Variants in UNC5D observed in about 807,000 individuals in gnomAD.
The protein encoded by UNC5D is netrin receptor UNC5D.
Under a neutral mutation model 105.4 loss-of-function variants are expected in UNC5D, and 39 were observed. That is an observed-to-expected ratio of 0.37 (90% CI 0.29 to 0.48). The LOEUF (loss-of-function observed/expected upper bound fraction) is 0.48. UNC5D is among the 20% of genes least tolerant of loss of function. The probability of loss-of-function intolerance (pLI) is 0.98; values close to 1 mark genes in which losing one functional copy is unlikely to be tolerated. For synonymous variants in UNC5D, 452 were observed against 450.4 expected (o/e 1.00, Z -0.04); for missense variants, 991 against 1,202.4 (o/e 0.82, Z 2.60).
At chr8:35,439,811 T>G (rs1807275645) in intron 1 of UNC5D, among the ~76,000 whole-genome samples, 1 of 152,078 alleles carries the variant, frequency 6.6e-6, no homozygotes, top group Non-Finnish European at 1.5e-5. Context: ...AAAGTCGTTT[T>G]CCTTCTAAAT....
chr8:35,333,403 T>C (rs1449095433), intron 1 of UNC5D, among the ~76,000 whole-genome samples: 5 of 152,180 alleles, frequency 3.3e-5, no homozygotes, highest in African/African-American at 1.2e-4. Context: ...AAATCCTGAT[T>C]TAATTTTGCA....
At chr8:35,759,530 G>C in intron 14 of UNC5D, 61 bp downstream of exon 14, 1 of 1,566,874 alleles carries the variant, frequency 6.4e-7, no homozygotes, top group Admixed American at 2.0e-5. Context: ...GCATGTCACA[G>C]ATCCTGGCAA....
intron 1 of UNC5D, among the ~76,000 whole-genome samples, chr8:35,394,401 T>G (rs1361873547): frequency 6.6e-6 from 1 of 152,196 alleles, no homozygotes; most frequent in African/African-American, 2.4e-5. Flanking sequence ...AATGATTTAC[T>G]CTTCTGTGTG....
intron 1 of UNC5D, among the ~76,000 whole-genome samples, chr8:35,483,227 G>C (rs1048931722): frequency 2.0e-5 from 3 of 152,012 alleles, no homozygotes; most frequent in African/African-American, 7.3e-5. Flanking sequence ...TACAGCACAG[G>C]GTGATACAGA....
intron 4 of UNC5D, among the ~76,000 whole-genome samples, chr8:35,671,164 C>T (rs570621819): frequency 6.6e-5 from 10 of 152,170 alleles, no homozygotes; most frequent in Middle Eastern, 3.4e-3. Flanking sequence ...AATGGAAATG[C>T]GTTTTTGTCT....
At chr8:35,393,316 G>A (rs1476649309) in intron 1 of UNC5D, among the ~76,000 whole-genome samples, 1 of 151,156 alleles carries the variant, frequency 6.6e-6, no homozygotes, top group Non-Finnish European at 1.5e-5. Context: ...TGTATTTTTA[G>A]TAGAGACGGG....
chr8:35,608,811 T>C (rs946719991), intron 4 of UNC5D, among the ~76,000 whole-genome samples: 1 of 152,244 alleles, frequency 6.6e-6, no homozygotes, highest in Admixed American at 6.5e-5. Flanking sequence ...TTTCTTTAAA[T>C]TCATTGATGG....
intron 7 of UNC5D, among the ~76,000 whole-genome samples, chr8:35,701,968 A>C (rs1055726784): frequency 6.0e-5 from 9 of 150,596 alleles, no homozygotes; most frequent in African/African-American, 1.7e-4. Flanking sequence ...CTGTGTAAGG[A>C]TAAAAATGAA....
chr8:35,348,333 A>T (rs2128907997), intron 1 of UNC5D, among the ~76,000 whole-genome samples: 1 of 152,088 alleles, frequency 6.6e-6, no homozygotes, highest in South Asian at 2.1e-4. Context: ...GAGGAGCAAG[A>T]GTAAAGGGGT....
chr8:35,614,704 G>A (rs1820904974), intron 4 of UNC5D, among the ~76,000 whole-genome samples: 1 of 152,088 alleles, frequency 6.6e-6, no homozygotes, highest in Non-Finnish European at 1.5e-5. Context: ...TTTTAAAAGT[G>A]TGTGTCTACA....
At chr8:35,626,926 T>C (rs543924009) in intron 4 of UNC5D, among the ~76,000 whole-genome samples, 1 of 152,218 alleles carries the variant, frequency 6.6e-6, no homozygotes, top group East Asian at 1.9e-4. Flanking sequence ...TTATTGTCAA[T>C]GTGAGAAGTA....
At chr8:35,614,059 T>C (rs1255003184) in intron 4 of UNC5D, among the ~76,000 whole-genome samples, 1 of 152,204 alleles carries the variant, frequency 6.6e-6, no homozygotes, top group Non-Finnish European at 1.5e-5. Context: ...TTCTAATTAT[T>C]TCTGATGTAT....
At chr8:35,681,726 A>G (rs1438785378) in intron 4 of UNC5D, among the ~76,000 whole-genome samples, 2 of 151,928 alleles carry the variant, frequency 1.3e-5, no homozygotes, top group African/African-American at 2.4e-5. Context: ...TTTATTTTAC[A>G]TTTTACTGTA....
At chr8:35,772,018 C>T (rs890615224) in intron 15 of UNC5D, among the ~76,000 whole-genome samples, 4 of 152,128 alleles carry the variant, frequency 2.6e-5, no homozygotes, top group African/African-American at 9.7e-5. Context: ...AAAGTGAGGT[C>T]TTTCTGCTTC....
At chr8:35,552,015 G>A (rs1467661289) in intron 2 of UNC5D, among the ~76,000 whole-genome samples, 1 of 152,052 alleles carries the variant, frequency 6.6e-6, no homozygotes, top group Non-Finnish European at 1.5e-5. Flanking sequence ...AACTACTGTA[G>A]GATTGCAGTA....
chr8:35,515,315 A>T (rs1301426768), intron 1 of UNC5D, among the ~76,000 whole-genome samples: 10 of 152,236 alleles, frequency 6.6e-5, no homozygotes, highest in Non-Finnish European at 1.5e-4. Flanking sequence ...CAAGTGATTT[A>T]CTGTCTCCAT....
At position 35,633,105 on chromosome 8, in the gene UNC5D, A is replaced by G. The variant is rs76830697; in HGVS notation, c.570+37448A>G. ...CTCTCTAAGGCTCTCTGCCTCCCCA[A>G]TAGCACCCCTGACAGTATATAGCCT... On this transcript the variant is annotated intron_variant, in intron 4 of 16. Coordinates refer to ENST00000404895, the MANE Select transcript of UNC5D (RefSeq NM_080872.4). 1.7e-3 allele frequency among the ~76,000 whole-genome samples: 259 copies of G among 152,266 alleles called. 1 individual carries two copies. Among genetic ancestry groups the G allele is most frequent in the African/African-American group, 4.8e-3 (201 of 41,562 alleles).
At chr8:35,329,685 A>T (rs1227447846) in intron 1 of UNC5D, among the ~76,000 whole-genome samples, 1 of 152,152 alleles carries the variant, frequency 6.6e-6, no homozygotes, top group Non-Finnish European at 1.5e-5. Context: ...AAATGATTTT[A>T]AAAAGTCTGT....
chr8:35,539,024 T>C (rs926292245), intron 1 of UNC5D, among the ~76,000 whole-genome samples: 3 of 152,118 alleles, frequency 2.0e-5, no homozygotes, highest in Admixed American at 1.3e-4. Context: ...AAAATTTTGA[T>C]ATAACTAAAT....
Sources: allele counts gnomAD v4.1 joint callset (sites outside exome capture counted in the v4.1 genomes callset), GRCh38; gene constraint gnomAD v4.1.1; transcripts MANE v1.5; gene names NCBI Gene and HGNC (gene_info 2026-07-23, HGNC 2026-07-21).